The following POR variants were observed in gnomAD, a reference collection of about 807,000 sequenced individuals.
POR encodes the protein cytochrome p450 oxidoreductase, also known as NADPH--cytochrome P450 reductase.
Under a neutral mutation model 84.0 loss-of-function variants are expected in POR, and 56 were observed. The observed-to-expected ratio is 0.67, with a 90% confidence interval of 0.54 to 0.83. The LOEUF is 0.83. POR is among the 40% of genes least tolerant of loss of function. The probability of loss-of-function intolerance (pLI) is 0.00; values close to 1 mark genes in which losing one functional copy is unlikely to be tolerated. For synonymous variants in POR, 414 were observed against 400.5 expected (o/e 1.03, Z -0.40); for missense variants, 938 against 944.3 (o/e 0.99, Z 0.09).
At chr7:75,929,831 T>C (rs782376044) in intron 1 of POR, among the ~76,000 whole-genome samples, 16 of 152,190 alleles carry the variant, frequency 1.1e-4, no homozygotes, top group Admixed American at 2.0e-4. Flanking sequence ...TGGTCCTCTA[T>C]GCACTAGTAG....
chr7:75,979,393 C>T (rs566638477), intron 3 of POR, 58 bp from the exon 4 acceptor site: 1 of 1,587,364 alleles, frequency 6.3e-7, no homozygotes, highest in East Asian at 2.3e-5. Context: ...AGTGGGTGTT[C>T]ACCGGAGCCG....
chr7:75,952,110 C>A (rs1787452694), intron 1 of POR, among the ~76,000 whole-genome samples: 1 of 127,442 alleles, frequency 7.8e-6, no homozygotes, highest in Non-Finnish European at 1.6e-5. Flanking sequence ...CCACCTCCCT[C>A]CCGGACGGGG....
At chr7:75,973,674 C>CTT (rs35274225) in intron 3 of POR, among the ~76,000 whole-genome samples, 32,312 of 64,744 alleles carry the variant, frequency 0.5, 13,121 homozygotes, top group Middle Eastern at 0.53. Flanking sequence ...CCAGACCTTG[C>CTT]TTTTTTTTTT....
chr7:75,924,056 C>T (rs1337803156), intron 1 of POR, among the ~76,000 whole-genome samples: 4 of 152,008 alleles, frequency 2.6e-5, no homozygotes, highest in African/African-American at 9.7e-5. Context: ...ATCTTCTATC[C>T]TAGGGTTTAA....
intron 2 of POR, among the ~76,000 whole-genome samples, chr7:75,966,856 C>T (rs149002794): frequency 6.8e-4 from 103 of 152,284 alleles, no homozygotes; most frequent in Non-Finnish European, 9.6e-4. Flanking sequence ...CCAATTTAGG[C>T]GTGGAGAGCC....
chr7:75,977,742 C>CTG (rs1788760939), intron 3 of POR, among the ~76,000 whole-genome samples: 2 of 152,204 alleles, frequency 1.3e-5, no homozygotes, highest in African/African-American at 4.8e-5. Context: ...CGTGCCATTA[C>CTG]ACTCCAATCT....
At chr7:75,947,970 T>C (rs979989706) in intron 1 of POR, among the ~76,000 whole-genome samples, 3 of 152,178 alleles carry the variant, frequency 2.0e-5, no homozygotes, top group Non-Finnish European at 4.4e-5. Context: ...GGCACACTGC[T>C]TGGATCCTGG....
intron 1 of POR, among the ~76,000 whole-genome samples, chr7:75,918,070 G>A (rs1554548282): frequency 6.6e-6 from 1 of 152,168 alleles, no homozygotes; most frequent in East Asian, 1.9e-4. Context: ...ACTTTGGGAG[G>A]CCGAGGCAGG....
chr7:75,952,740 C>T (rs1275380700), intron 1 of POR, among the ~76,000 whole-genome samples: 1 of 150,930 alleles, frequency 6.6e-6, no homozygotes, highest in South Asian at 2.1e-4. Flanking sequence ...CAGGCAGAGA[C>T]GCTCCTCACT....
At chr7:75,940,560 G>A (rs765829852) in intron 1 of POR, among the ~76,000 whole-genome samples, 15 of 150,184 alleles carry the variant, frequency 1.0e-4, no homozygotes, top group South Asian at 2.1e-4. Flanking sequence ...TGAGGCAGGT[G>A]GATCACGAAG....
chr7:75,984,991 C>T (rs1243312954), intron 11 of POR, 33 bp downstream of exon 11: 6 of 1,576,080 alleles, frequency 3.8e-6, no homozygotes, highest in Non-Finnish European at 5.2e-6. Context: ...ACCTCCGCCC[C>T]GTCACCCCGC....
rs6956200 is a variant in POR, at chr7:75,984,681, G to A, written c.1067-96G>A. On this transcript the variant is annotated intron_variant, in intron 10 of 15. Coordinates refer to ENST00000461988, the MANE Select transcript of POR (RefSeq NM_000941.3). ...AGCACCAGCTGGGGCACCTGTTGCC[G>A]CAGAGCTGGCCCAAGGTGTCACCCC... 8.3e-5 allele frequency: 92 copies of A among 1,108,102 alleles called. No homozygotes were observed. In the African/African-American group the frequency reaches 1.0e-3, roughly 12 times the overall value. The allele number at this position is 1,108,102 out of a possible 1,614,324, so 68.6% of individuals were successfully genotyped here.
chr7:75,930,955 G>A (rs1053486683), intron 1 of POR, among the ~76,000 whole-genome samples: 2 of 151,956 alleles, frequency 1.3e-5, no homozygotes, highest in East Asian at 1.9e-4. Flanking sequence ...CCTGAGTAGC[G>A]GGGACTACAG....
At chr7:75,981,838 T>A in intron 7 of POR, 1 of 583,528 alleles carries the variant, frequency 1.7e-6, no homozygotes, top group Non-Finnish European at 3.0e-6. Flanking sequence ...CGCGTCGGGC[T>A]CTGTGGCTAG....
At chr7:75,972,079 G>A (rs1300615756) in intron 2 of POR, among the ~76,000 whole-genome samples, 4 of 152,188 alleles carry the variant, frequency 2.6e-5, no homozygotes, top group African/African-American at 9.6e-5. Context: ...AGAGGGAAGT[G>A]GAAACCTTGG....
rs549181659 is a variant in POR at position 75,962,401 on chromosome 7, C to T, written c.188+8221C>T. ...CTCTACCTCCCAGGCTTAAGGGGATCGTCCCATCTCAGCCCCCTGAGTAGC... is the reference window on the plus strand; with the variant it reads ...CTCTACCTCCCAGGCTTAAGGGGATTGTCCCATCTCAGCCCCCTGAGTAGC... On this transcript the variant is annotated intron_variant, in intron 2 of 15. Coordinates refer to ENST00000461988, the MANE Select transcript of POR (RefSeq NM_000941.3). 1.0e-3 allele frequency among the ~76,000 whole-genome samples: 152 copies of T among 152,242 alleles called. 1 individual carries two copies. The Middle Eastern group carries it at 0.01, about 10-fold the overall frequency.
chr7:75,927,896 C>A (rs1200419344), intron 1 of POR, among the ~76,000 whole-genome samples: 2 of 150,730 alleles, frequency 1.3e-5, no homozygotes, highest in African/African-American at 2.5e-5. Flanking sequence ...GTCTCGAACT[C>A]CTGACCTCAA....
At chr7:75,951,613 C>CCAGAA in intron 1 of POR, among the ~76,000 whole-genome samples, 1 of 152,294 alleles carries the variant, frequency 6.6e-6, no homozygotes, top group Non-Finnish European at 1.5e-5. Context: ...ACAGTGACAG[C>CCAGAA]CATCAGCAGT....
chr7:75,916,661 C>T (rs963979408), intron 1 of POR, among the ~76,000 whole-genome samples: 14 of 152,104 alleles, frequency 9.2e-5, no homozygotes, highest in African/African-American at 2.9e-4. Context: ...CTGCCAGTTG[C>T]GTGGTGGTGT....
Sources: gnomAD v4.1 joint callset for allele counts (sites outside exome capture counted in the v4.1 genomes callset) on GRCh38, gnomAD v4.1.1 for gene constraint, MANE v1.5 for transcripts, NCBI Gene and HGNC (gene_info 2026-07-23, HGNC 2026-07-21) for gene names.